The following ELMO1 variants were observed in gnomAD, a reference collection of about 807,000 sequenced individuals.
The protein encoded by ELMO1 is engulfment and cell motility 1.
ELMO1 carries 26 observed loss-of-function variants against 98.9 expected under a neutral mutation model. The observed-to-expected ratio is 0.26, with a 90% CI of 0.19 to 0.36. The LOEUF (loss-of-function observed/expected upper bound fraction) is 0.36, where lower values mean the gene tolerates loss of function less well. ELMO1 is among the 10% of genes least tolerant of loss of function. The pLI is 1.00. For missense variants in ELMO1, 627 were observed against 935.2 expected (o/e 0.67, Z 4.30); for synonymous variants, 346 against 346.0 (o/e 1.00, Z 0.00).
chr7:37,264,884 C>A (rs2130820173), intron 5 of ELMO1, among the ~76,000 whole-genome samples: 1 of 152,298 alleles, frequency 6.6e-6, no homozygotes, highest in South Asian at 2.1e-4. Flanking sequence ...TCTAGCATAA[C>A]TCTGGATCCA....
chr7:37,372,849 A>G (rs1198870817), intron 1 of ELMO1, among the ~76,000 whole-genome samples: 2 of 152,176 alleles, frequency 1.3e-5, no homozygotes, highest in Non-Finnish European at 2.9e-5. Flanking sequence ...TTTCACCATT[A>G]TCTATTTTTC....
At chr7:37,357,044 A>G (rs376348302) in intron 1 of ELMO1, among the ~76,000 whole-genome samples, 9 of 152,096 alleles carry the variant, frequency 5.9e-5, no homozygotes, top group Non-Finnish European at 1.2e-4. Flanking sequence ...ATCTGAACCA[A>G]CAGCCCTTGC....
intron 16 of ELMO1, among the ~76,000 whole-genome samples, chr7:36,931,489 T>C (rs1050139744): frequency 3.9e-5 from 6 of 152,200 alleles, no homozygotes; most frequent in Non-Finnish European, 7.3e-5. Context: ...TAATCCCAGC[T>C]ACTGGGGAGG....
Position 37,279,659 on chromosome 7 carries a change from G to A in ELMO1, c.193-7777C>T, listed in dbSNP as rs142259917. ...AGACGGGAGAGAAATACAGGGTAGAGGAAGCAGCAGAAAGGTCCTGGGAGC... is the reference window on the plus strand; with the variant it reads ...AGACGGGAGAGAAATACAGGGTAGAAGAAGCAGCAGAAAGGTCCTGGGAGC... On this transcript the variant is annotated intron_variant, in intron 4 of 21. Transcript: ENST00000310758. 1.3e-3 allele frequency among the ~76,000 whole-genome samples: 195 copies of A among 152,338 alleles called. 1 individual carries two copies. The highest frequency in any genetic ancestry group is 4.5e-3 in the African/African-American group (188 of 41,576).
chr7:37,350,761 T>C (rs1479065355), intron 1 of ELMO1, among the ~76,000 whole-genome samples: 3 of 152,154 alleles, frequency 2.0e-5, no homozygotes, highest in Non-Finnish European at 4.4e-5. Flanking sequence ...AGAAGTAAGT[T>C]AAAATTAGGT....
intron 4 of ELMO1, among the ~76,000 whole-genome samples, chr7:37,277,907 C>T (rs1356452958): frequency 1.3e-5 from 2 of 152,210 alleles, no homozygotes; most frequent in Non-Finnish European, 2.9e-5. Flanking sequence ...CTGCTCATTA[C>T]AGGAACTTTC....
chr7:36,988,115 T>C (rs1791639720), intron 16 of ELMO1, among the ~76,000 whole-genome samples: 1 of 152,164 alleles, frequency 6.6e-6, no homozygotes, highest in Non-Finnish European at 1.5e-5. Flanking sequence ...TGGCTTTCCA[T>C]TTTGTCTCTT....
chr7:36,888,824 C>T (rs548602379), intron 17 of ELMO1, among the ~76,000 whole-genome samples: 28 of 152,236 alleles, frequency 1.8e-4, no homozygotes, highest in Non-Finnish European at 3.1e-4. Context: ...CTGCAGGCAA[C>T]CTGTTCTCAC....
Position 37,271,517 on chromosome 7 carries a change from C to T in ELMO1, c.243+315G>A, listed in dbSNP as rs78608912. The T allele has an allele frequency of 7.0e-3, 1,783 of 256,480 alleles. 37 individuals are homozygous for T. Among genetic ancestry groups the T allele is most frequent in the African/African-American group, 0.037 (1,650 of 44,410 alleles). 15.9% of individuals were successfully genotyped at this position (256,480 alleles called of 1,614,324 possible). ...TTGGGCCACACATAAAATACGCTAA[C>T]GATAGCTGATGAACTAAATAAAATA... On this transcript the variant is annotated intron_variant, in intron 5 of 21. Transcript: ENST00000310758.
chr7:37,311,183 CT>C (rs1798871246), intron 4 of ELMO1, among the ~76,000 whole-genome samples: 1 of 149,528 alleles, frequency 6.7e-6, no homozygotes, highest in Non-Finnish European at 1.5e-5. Context: ...AGTTAATGGC[CT>C]AATAAGCAAA....
At chr7:37,245,144 C>A (rs754647534) in intron 6 of ELMO1, among the ~76,000 whole-genome samples, 1 of 152,170 alleles carries the variant, frequency 6.6e-6, no homozygotes, top group Non-Finnish European at 1.5e-5. Context: ...TACCCCCAAA[C>A]TCATCTCATT....
chr7:37,107,309 A>C (rs1224220185), intron 14 of ELMO1, among the ~76,000 whole-genome samples: 1 of 152,194 alleles, frequency 6.6e-6, no homozygotes, highest in African/African-American at 2.4e-5. Context: ...GAAGGTGCAC[A>C]TGAGATGCAA....
intron 16 of ELMO1, among the ~76,000 whole-genome samples, chr7:36,980,022 A>C (rs1790912176): frequency 6.6e-6 from 1 of 152,206 alleles, no homozygotes; most frequent in South Asian, 2.1e-4. Context: ...GCCAGTGAAC[A>C]GCTCTCCTTG....
chr7:36,973,780 C>T (rs576242490), intron 16 of ELMO1, among the ~76,000 whole-genome samples: 87 of 152,260 alleles, frequency 5.7e-4, no homozygotes, highest in Non-Finnish European at 1.1e-3. Context: ...CTGCGCGCGG[C>T]GCTTGCGAGC....
chr7:36,918,119 G>T (rs929244776), intron 16 of ELMO1, among the ~76,000 whole-genome samples: 2 of 152,124 alleles, frequency 1.3e-5, no homozygotes, highest in Admixed American at 6.6e-5. Context: ...TGTAGGGAAT[G>T]GGGGGTGAAG....
At chr7:36,857,633 C>A (rs978424324) in intron 21 of ELMO1, among the ~76,000 whole-genome samples, 3 of 152,138 alleles carry the variant, frequency 2.0e-5, no homozygotes, top group Admixed American at 6.5e-5. Flanking sequence ...AATAAAAACC[C>A]TGTAGTACTG....
At chr7:37,023,367 T>C (rs1794386126) in intron 15 of ELMO1, among the ~76,000 whole-genome samples, 1 of 152,320 alleles carries the variant, frequency 6.6e-6, no homozygotes, top group African/African-American at 2.4e-5. Flanking sequence ...TTCATACATA[T>C]GATTTCAGTG....
intron 15 of ELMO1, among the ~76,000 whole-genome samples, chr7:37,089,401 T>TA (rs1458781169): frequency 2.0e-5 from 3 of 152,218 alleles, no homozygotes; most frequent in Admixed American, 2.0e-4. Flanking sequence ...AATCTAATTA[T>TA]AAACGGTCAA....
rs532626858 is a variant in ELMO1 at position 37,338,756 on chromosome 7, TC to T, written c.78+3856del. Among the ~76,000 whole-genome samples, 91 of 152,222 alleles carry T rather than the reference TC, an allele frequency of 6.0e-4. 1 individual carries two copies. Among genetic ancestry groups the T allele is most frequent in the African/African-American group, 2.2e-3 (91 of 41,544 alleles). ...ACAAGCATCCTCATCCTCAAGCGGC[TC>T]CCCGGGCTTGAAACTCAACAATACA... On this transcript the variant is annotated intron_variant, in intron 2 of 21. Coordinates refer to ENST00000310758, the MANE Select transcript of ELMO1 (RefSeq NM_014800.11).
Sources: allele counts gnomAD v4.1 joint callset (sites outside exome capture counted in the v4.1 genomes callset), GRCh38; gene constraint gnomAD v4.1.1; transcripts MANE v1.5; gene names NCBI Gene and HGNC (gene_info 2026-07-23, HGNC 2026-07-21).